DNAH7: variants seen among roughly 807,000 people sequenced by gnomAD.
The protein encoded by DNAH7 is dynein axonemal heavy chain 7, also known as axonemal beta dynein heavy chain 7.
A neutral mutation model predicts 444.6 loss-of-function variants in DNAH7; 397 were observed. That is an observed-to-expected ratio of 0.89 (90% CI 0.82 to 0.97). The LOEUF is 0.97. Among genes scored for constraint, DNAH7 ranks in the 50% least tolerant of loss-of-function variants. DNAH7 has a pLI of 0.00. For synonymous variants in DNAH7, 1,636 were observed against 1,624.4 expected (o/e 1.01, Z -0.17); for missense variants, 4,902 against 4,800.8 (o/e 1.02, Z -0.62).
chr2:195,956,462 C>T (rs550268480), intron 19 of DNAH7, among the ~76,000 whole-genome samples: 5 of 152,152 alleles, frequency 3.3e-5, no homozygotes, highest in African/African-American at 1.2e-4. Flanking sequence ...ACCAGCCTGG[C>T]CAACATGGTG....
At chr2:195,793,377 T>C (rs1695981698) in intron 57 of DNAH7, among the ~76,000 whole-genome samples, 2 of 152,246 alleles carry the variant, frequency 1.3e-5, no homozygotes, top group African/African-American at 4.8e-5. Flanking sequence ...CATAAATTCC[T>C]GGACCTGAAA....
intron 55 of DNAH7, among the ~76,000 whole-genome samples, chr2:195,798,657 C>T (rs1696288906): frequency 6.6e-6 from 1 of 151,040 alleles, no homozygotes; most frequent in African/African-American, 2.4e-5. Flanking sequence ...CATTCTCCTG[C>T]CTCAGCCTCC....
chr2:195,816,944 C>A lies in DNAH7; in HGVS notation c.9445G>T (p.Asp3149Tyr). The A allele has an allele frequency of 6.3e-7, 1 of 1,591,920 alleles. No individual in the cohort carries two copies. The highest frequency in any genetic ancestry group is 1.4e-5 in the African/African-American group (1 of 73,760). Residue 3149 changes from aspartate to tyrosine, a missense_variant, in exon 51 of 65, where the codon GAC (aspartate) becomes TAC (tyrosine). Asp to Tyr is a radical substitution (Grantham distance 160, BLOSUM62 -3). Coordinates refer to ENST00000312428, the MANE Select transcript of DNAH7 (RefSeq NM_018897.3). The part of the protein sequence containing the change: ...ENKRQLKEIE[D>Y]KILEVLSSSE... ...GATGAAAGAACTTCTAAAATCTTGT[C>A]TTCTATTTCTTTTAACTGCCTGGAA...
intron 38 of DNAH7, among the ~76,000 whole-genome samples, 155 bp downstream of exon 38, chr2:195,875,520 G>A (rs1700996850): frequency 6.6e-6 from 1 of 152,176 alleles, no homozygotes; most frequent in Non-Finnish European, 1.5e-5. Flanking sequence ...TATAGAGTTG[G>A]TCATATGATA....
At chr2:195,961,567 G>A (rs1406512449) in intron 17 of DNAH7, among the ~76,000 whole-genome samples, 1 of 151,790 alleles carries the variant, frequency 6.6e-6, no homozygotes, top group African/African-American at 2.4e-5. Context: ...CAAATGACAG[G>A]ATTTCCCATT....
rs1702237961 is a variant in DNAH7 at position 195,895,196 on chromosome 2, A to G, written c.4676T>C (p.Val1559Ala). The change falls in exon 30 of 65, where the codon GTA (valine) becomes GCA (alanine). Residue 1559 changes from valine to alanine, a missense_variant. Transcript: ENST00000312428. Reference sequence around the variant, plus strand: ...ATTGTAATCTGGTTTTGGTAATTTTACCCCAGGAAACAAATCCGAAGTAAT... The same window carrying G: ...ATTGTAATCTGGTTTTGGTAATTTTGCCCCAGGAAACAAATCCGAAGTAAT... ...EGITSDLFPG[V>A]KLPKPDYNDL... The G allele has an allele frequency of 6.2e-7, 1 of 1,609,194 alleles. No homozygotes were observed. Among genetic ancestry groups the G allele is most frequent in the African/African-American group, 1.3e-5 (1 of 74,856 alleles).
At chr2:195,999,251 GA>G in intron 12 of DNAH7, 1 of 710,578 alleles carries the variant, frequency 1.4e-6, no homozygotes, top group Admixed American at 2.1e-5. Flanking sequence ...CTCTGTAGAG[GA>G]AAAAAACAAA....
intron 36 of DNAH7, among the ~76,000 whole-genome samples, chr2:195,881,458 A>AAAAT (rs1437485559): frequency 6.6e-6 from 1 of 152,228 alleles, no homozygotes; most frequent in Admixed American, 6.5e-5. Flanking sequence ...AATAACTTAG[A>AAAAT]AAATATCAAG....
chr2:196,001,536 T>G lies in DNAH7; in HGVS notation c.1173+139A>C. On this transcript the variant is annotated intron_variant, in intron 11 of 64. Coordinates refer to ENST00000312428, the MANE Select transcript of DNAH7 (RefSeq NM_018897.3). ...TGTGCCACCATGCCTGGCTGACAAT[T>G]TTTTCTTTTAAGATAAGTGTAATAG... The G allele has an allele frequency of 5.1e-6, 4 of 784,910 alleles. No individual in the cohort carries two copies. The South Asian group carries it at 1.8e-4, about 34-fold the overall frequency. The allele number at this position is 784,910 out of a possible 1,614,324, so 48.6% of individuals were successfully genotyped here. A position where few individuals can be genotyped will look rare whatever the true frequency, so the allele number is the denominator to read the frequency against.
chr2:195,775,802 T>C lies in DNAH7; in HGVS notation c.11202+44A>G, dbSNP rs1277271565. The C allele has an allele frequency of 1.9e-6, 3 of 1,588,420 alleles. No homozygotes were observed. In the Admixed American group the frequency reaches 5.3e-5, roughly 28 times the overall value. ...TGCTGGCACACGTGCCTGGGGAGCA[T>C]CCTTCCCAGGCCTCAGAATCCAGGT... On this transcript the variant is annotated intron_variant, in intron 60 of 64. Transcript: ENST00000312428.
chr2:195,864,613 G>GC lies in DNAH7; in HGVS notation c.7041dup (p.Gln2348AlafsTer12). 6.2e-7 allele frequency: 1 copy of GC among 1,614,156 alleles called. No homozygotes were observed. Among genetic ancestry groups the GC allele is most frequent in the Non-Finnish European group, 8.5e-7 (1 of 1,180,030 alleles). On this transcript the variant is annotated frameshift_variant, in exon 41 of 65. Coordinates refer to ENST00000312428, the MANE Select transcript of DNAH7 (RefSeq NM_018897.3). LOFTEE classifies it high-confidence loss of function. ...TGGGCAGCTAATCTGGTGACAGACTGCCTTCCACTCCCTCCAACCCCTACT... is the reference window on the plus strand; with the variant it reads ...TGGGCAGCTAATCTGGTGACAGACTGCCCTTCCACTCCCTCCAACCCCTACT...
At chr2:195,987,026 C>A in intron 14 of DNAH7, 40 bp downstream of exon 14, 4 of 1,524,658 alleles carry the variant, frequency 2.6e-6, no homozygotes, top group South Asian at 1.3e-5. Flanking sequence ...TATTAAACAT[C>A]CCCTCCCAAA....
At chr2:195,848,509 T>C (rs1699153129) in intron 46 of DNAH7, among the ~76,000 whole-genome samples, 1 of 152,234 alleles carries the variant, frequency 6.6e-6, no homozygotes, top group Non-Finnish European at 1.5e-5. Flanking sequence ...TGTGTCATAA[T>C]TATATGAGCT....
intron 47 of DNAH7, among the ~76,000 whole-genome samples, chr2:195,844,164 T>C (rs1350757510): frequency 6.6e-6 from 1 of 152,168 alleles, no homozygotes; most frequent in East Asian, 1.9e-4. Flanking sequence ...ACATTTAGTG[T>C]TTACTTCTAT....
intron 15 of DNAH7, among the ~76,000 whole-genome samples, chr2:195,982,488 C>A (rs184396912): frequency 3.9e-4 from 60 of 152,206 alleles, no homozygotes; most frequent in African/African-American, 1.4e-3. Context: ...GGTATATACC[C>A]CAATGAAGGG....
At chr2:195,754,595 GCCCAGGCAGGGC>G (rs1693980171) in intron 62 of DNAH7, 81 bp from the exon 63 acceptor site, 1 of 1,420,392 alleles carries the variant, frequency 7.0e-7, no homozygotes, top group Admixed American at 2.3e-5. Flanking sequence ...ATCTCTGGTT[GCCCAGGCAGGGC>G]TCAGGTGATC....
At chr2:195,923,912 T>C (rs2125359184) in intron 22 of DNAH7, 105 bp from the exon 23 acceptor site, 3 of 1,033,296 alleles carry the variant, frequency 2.9e-6, no homozygotes. Flanking sequence ...GCATTTTGAT[T>C]ACAACTTTCC....
chr2:195,907,352 T>C (rs1209693166), intron 25 of DNAH7, among the ~76,000 whole-genome samples: 2 of 152,248 alleles, frequency 1.3e-5, no homozygotes, highest in Non-Finnish European at 1.5e-5. Context: ...GCATAGGTTA[T>C]AATAACCATC....
In DNAH7 at chr2:195,853,766, G is replaced by A. The variant is rs1258213728; in HGVS notation, c.8596-238C>T. ...TATTTACCATATAATACAAAGAACA[G>A]CTGTATTTAGGAAATGACATACAGT... On this transcript the variant is annotated intron_variant, in intron 45 of 64. Transcript: ENST00000312428. 2.6e-5 allele frequency among the ~76,000 whole-genome samples: 4 copies of A among 152,178 alleles called. No homozygotes were observed. The East Asian group carries it at 5.8e-4, about 22-fold the overall frequency.
Sources: gnomAD v4.1 joint callset for allele counts (sites outside exome capture counted in the v4.1 genomes callset) on GRCh38, gnomAD v4.1.1 for gene constraint, MANE v1.5 for transcripts, NCBI Gene and HGNC (gene_info 2026-07-23, HGNC 2026-07-21) for gene names.